Variants in PCDH9 observed in about 807,000 individuals in gnomAD.
The protein encoded by PCDH9 is protocadherin-9.
In PCDH9, 24 loss-of-function variants were observed where a neutral mutation model predicts 70.6. That is an observed-to-expected ratio of 0.34 (90% confidence interval 0.25 to 0.48). PCDH9 has a LOEUF of 0.48. Among genes scored for constraint, PCDH9 ranks in the 20% least tolerant of loss-of-function variants. The pLI, the probability that PCDH9 is intolerant of heterozygous loss-of-function variation, is 0.99. For synonymous variants in PCDH9, 562 were observed against 558.5 expected (o/e 1.01, Z -0.09); for missense variants, 1,281 against 1,503.6 (o/e 0.85, Z 2.45).
intron 3 of PCDH9, among the ~76,000 whole-genome samples, chr13:66,732,248 T>C (rs1294972246): frequency 1.3e-5 from 2 of 151,992 alleles, no homozygotes; most frequent in Non-Finnish European, 2.9e-5. Flanking sequence ...TTACCTCTTA[T>C]AATTTTCTTT....
intron 4 of PCDH9, among the ~76,000 whole-genome samples, chr13:66,368,659 C>T (rs959423945): frequency 3.3e-5 from 5 of 151,852 alleles, no homozygotes; most frequent in African/African-American, 1.2e-4. Context: ...AACCACCATA[C>T]ATTTATATGA....
intron 2 of PCDH9, chr13:67,209,193 A>G (rs1247942660): frequency 6.6e-6 from 1 of 152,126 alleles, no homozygotes; most frequent in Non-Finnish European, 1.5e-5. Flanking sequence ...TCACCTTAGC[A>G]CCACATACTT....
intron 3 of PCDH9, among the ~76,000 whole-genome samples, chr13:66,877,249 A>G (rs907329164): frequency 2.7e-5 from 4 of 149,620 alleles, no homozygotes; most frequent in African/African-American, 7.6e-5. Flanking sequence ...AGTCAAAACT[A>G]AAAGTAAATT....
At chr13:66,549,392 G>A (rs1177189442) in intron 4 of PCDH9, among the ~76,000 whole-genome samples, 1 of 151,888 alleles carries the variant, frequency 6.6e-6, no homozygotes, top group Non-Finnish European at 1.5e-5. Context: ...TTTTGCACAA[G>A]TAGTGCTATT....
Position 67,154,703 on chromosome 13 carries a change from ATCT to A in PCDH9, c.3036+70699_3036+70701del, listed in dbSNP as rs749429276. On this transcript the variant is annotated intron_variant, in intron 2 of 4. Transcript: ENST00000377865. ...TTGTGTTAAGTAATTTTGATCTGTA[ATCT>A]TTTTTTTTTTTTTTTTGAGACAGAG... Among the ~76,000 whole-genome samples, 347 of 136,618 alleles carry A rather than the reference ATCT, an allele frequency of 2.5e-3. 5 individuals carry two copies. Among genetic ancestry groups the A allele is most frequent in the African/African-American group, 7.1e-3 (263 of 36,838 alleles). 89.6% of individuals were successfully genotyped at this position (136,618 alleles called of 152,430 possible).
At chr13:66,595,060 C>T (rs140917168) in intron 4 of PCDH9, among the ~76,000 whole-genome samples, 1,549 of 151,262 alleles carry the variant, frequency 0.01, 99 homozygotes, top group Admixed American at 0.092. Flanking sequence ...TGCACACACA[C>T]ACACAAACAC....
In PCDH9 at chr13:66,317,059, C is replaced by T. The variant is rs1310830148; in HGVS notation, c.3341-12031G>A. On this transcript the variant is annotated intron_variant, in intron 4 of 4. Transcript: ENST00000377865. The stretch of plus-strand genomic sequence containing the variant: ...TTTTTGTTGATAGCACTCATCACTA[C>T]CTTTCACAATACATTTATTTGTTAA... Among the ~76,000 whole-genome samples, 6 of 152,214 alleles carry T rather than the reference C, an allele frequency of 3.9e-5. No individual in the cohort carries two copies. The East Asian group carries it at 1.2e-3, about 29-fold the overall frequency.
intron 2 of PCDH9, among the ~76,000 whole-genome samples, chr13:67,015,221 A>G (rs2084536227): frequency 6.6e-6 from 1 of 152,060 alleles, no homozygotes; most frequent in South Asian, 2.1e-4. Flanking sequence ...CTCTTGTGTT[A>G]TCAGTCTGCA....
At chr13:66,423,600 A>C (rs1467750947) in intron 4 of PCDH9, among the ~76,000 whole-genome samples, 1 of 152,222 alleles carries the variant, frequency 6.6e-6, no homozygotes, top group Non-Finnish European at 1.5e-5. Context: ...CAAAAGATGT[A>C]GAAAAGGCCA....
At chr13:67,060,453 A>G (rs1397376740) in intron 2 of PCDH9, among the ~76,000 whole-genome samples, 1 of 152,020 alleles carries the variant, frequency 6.6e-6, no homozygotes, top group Non-Finnish European at 1.5e-5. Flanking sequence ...TTAATCTGCT[A>G]TGTCACTTCA....
At chr13:66,510,422 A>G (rs1455065369) in intron 4 of PCDH9, among the ~76,000 whole-genome samples, 1 of 152,048 alleles carries the variant, frequency 6.6e-6, no homozygotes, top group East Asian at 1.9e-4. Context: ...CAGGTTTGTT[A>G]CATATGTATA....
intron 2 of PCDH9, among the ~76,000 whole-genome samples, chr13:67,106,152 CA>C (rs948417512): frequency 1.2e-4 from 18 of 151,936 alleles, no homozygotes; most frequent in South Asian, 4.2e-4. Flanking sequence ...AAAAGGGAGT[CA>C]AAAAAAGTAT....
chr13:66,528,054 T>G (rs778425688), intron 4 of PCDH9, among the ~76,000 whole-genome samples: 2 of 152,060 alleles, frequency 1.3e-5, no homozygotes, highest in Non-Finnish European at 2.9e-5. Flanking sequence ...GGAAACAAAC[T>G]CAATTATACA....
intron 4 of PCDH9, among the ~76,000 whole-genome samples, chr13:66,360,139 C>T (rs1009767736): frequency 6.6e-6 from 1 of 152,044 alleles, no homozygotes; most frequent in African/African-American, 2.4e-5. Context: ...GCACAGTCTC[C>T]TTTGCACAAA....
chr13:66,325,767 C>T (rs4884668), intron 4 of PCDH9, among the ~76,000 whole-genome samples: 35,043 of 150,942 alleles, frequency 0.23, 4,363 homozygotes, highest in East Asian at 0.36. Context: ...GCTAAGGCTT[C>T]TGGTTGCTAT....
At chr13:66,598,730 G>A (rs1332905956) in intron 4 of PCDH9, among the ~76,000 whole-genome samples, 2 of 151,914 alleles carry the variant, frequency 1.3e-5, no homozygotes, top group Non-Finnish European at 2.9e-5. Flanking sequence ...ACAACTAGGG[G>A]TGTATTCATA....
intron 2 of PCDH9, among the ~76,000 whole-genome samples, chr13:67,164,581 A>C (rs1440306714): frequency 6.6e-6 from 1 of 151,602 alleles, no homozygotes; most frequent in Non-Finnish European, 1.5e-5. Flanking sequence ...CTCCAAAAAA[A>C]AAAAAAAAAG....
chr13:67,175,423 A>G (rs957028719), intron 2 of PCDH9, among the ~76,000 whole-genome samples: 2 of 152,184 alleles, frequency 1.3e-5, no homozygotes, highest in African/African-American at 4.8e-5. Context: ...TTAACTACCT[A>G]CAGAAACACT....
chr13:67,064,660 G>A (rs757749602), intron 2 of PCDH9, among the ~76,000 whole-genome samples: 53 of 152,068 alleles, frequency 3.5e-4, no homozygotes, highest in Non-Finnish European at 6.3e-4. Flanking sequence ...AGCCTACTGA[G>A]ACTCCAGTCT....
Sources: gnomAD v4.1 joint callset for allele counts (sites outside exome capture counted in the v4.1 genomes callset) on GRCh38, gnomAD v4.1.1 for gene constraint, MANE v1.5 for transcripts, NCBI Gene and HGNC (gene_info 2026-07-23, HGNC 2026-07-21) for gene names.